TRAF7: variants seen among roughly 807,000 people sequenced by gnomAD.
TRAF7 encodes TNF receptor associated factor 7, also known as E3 ubiquitin-protein ligase TRAF7.
TRAF7 carries 45 observed loss-of-function variants against 89.3 expected under a neutral mutation model. The ratio of observed to expected loss-of-function variants is 0.50; its 90% CI spans 0.40 to 0.65. The LOEUF is 0.65. Among genes scored for constraint, TRAF7 ranks in the 30% least tolerant of loss-of-function variants. The probability of loss-of-function intolerance (pLI) is 0.00; values close to 1 mark genes in which losing one functional copy is unlikely to be tolerated. For missense variants in TRAF7, 677 were observed against 918.1 expected (o/e 0.74, Z 3.39); for synonymous variants, 406 against 369.2 (o/e 1.10, Z -1.14).
At chr16:2,169,092 T>C (rs2093098294) in intron 4 of TRAF7, among the ~76,000 whole-genome samples, 1 of 152,174 alleles carries the variant, frequency 6.6e-6, no homozygotes, top group East Asian at 1.9e-4. Context: ...TTTAAGTGAC[T>C]CTCCTGCCTC....
At chr16:2,164,070 G>A in intron 2 of TRAF7, 69 bp downstream of exon 2, 1 of 1,425,420 alleles carries the variant, frequency 7.0e-7, no homozygotes, top group Non-Finnish European at 9.6e-7. Flanking sequence ...ATCTGGTGTT[G>A]CCTGCAGAGC....
rs1220631106 is a variant in TRAF7, at chr16:2,162,668, A to G, written c.-38-1215A>G. Among the ~76,000 whole-genome samples, 1 of 151,960 alleles carries G rather than the reference A, an allele frequency of 6.6e-6. No homozygotes were observed. The highest frequency in any genetic ancestry group is 1.5e-5 in the Non-Finnish European group (1 of 67,940). Reference sequence around the variant, plus strand: ...CCTGCTGCTGCACCGCCCCCAGAGCAAGCTTGTTCTGAGGGCTCCTGCCTT... The same window carrying G: ...CCTGCTGCTGCACCGCCCCCAGAGCGAGCTTGTTCTGAGGGCTCCTGCCTT... On this transcript the variant is annotated intron_variant, in intron 1 of 20. Coordinates refer to ENST00000326181, the MANE Select transcript of TRAF7 (RefSeq NM_032271.3). The surrounding 1 kb of genome is among the most constrained non-coding windows in gnomAD (Gnocchi z 5.0).
intron 2 of TRAF7, among the ~76,000 whole-genome samples, 171 bp downstream of exon 2, chr16:2,164,172 G>GCGCGCGCA (rs2093070522): frequency 1.6e-5 from 2 of 125,958 alleles, no homozygotes; most frequent in African/African-American, 7.3e-5. Context: ...GCGCGCGCGC[G>GCGCGCGCA]CGCGCGCGCA....
At chr16:2,172,798 T>C (rs2093118606) in intron 9 of TRAF7, among the ~76,000 whole-genome samples, 199 bp downstream of exon 9, 1 of 143,026 alleles carries the variant, frequency 7.0e-6, no homozygotes, top group Non-Finnish European at 1.5e-5. Flanking sequence ...GCGTGGACGC[T>C]CCCGCAGCCG....
intron 2 of TRAF7, among the ~76,000 whole-genome samples, chr16:2,164,505 G>A (rs368333150): frequency 5.0e-5 from 7 of 140,638 alleles, no homozygotes; most frequent in Non-Finnish European, 6.1e-5. Flanking sequence ...TGAGTGCTAC[G>A]TGGCCTGGCC....
In TRAF7 at chr16:2,175,604, C is replaced by T. The variant is rs2141295376; in HGVS notation, c.1608C>T (p.Gly536=). Reference sequence around the variant, plus strand: ...CTGCCCAGAGCTACCTGTACAGCGGCTCCTACCAGACAATCAAGGTGCGCT... The same window carrying T: ...CTGCCCAGAGCTACCTGTACAGCGGTTCCTACCAGACAATCAAGGTGCGCT... ...LVAAQSYLYS[G]SYQTIKIWDI... is the part of the protein sequence containing the mutation. Residue 536 remains glycine (G), a synonymous_variant, in exon 17 of 21, where the codon GGC becomes GGT. Coordinates refer to ENST00000326181, the MANE Select transcript of TRAF7 (RefSeq NM_032271.3). 6.2e-7 allele frequency: 1 copy of T among 1,612,422 alleles called. No homozygotes were observed. Among genetic ancestry groups the T allele is most frequent in the African/African-American group, 1.3e-5 (1 of 75,042 alleles).
chr16:2,169,491 G>A (rs2093099615), intron 4 of TRAF7, among the ~76,000 whole-genome samples: 1 of 152,060 alleles, frequency 6.6e-6, no homozygotes, highest in Non-Finnish European at 1.5e-5. Flanking sequence ...AAGAGAGGCG[G>A]GTACCTTCTC....
chr16:2,158,915 C>G lies in TRAF7; in HGVS notation c.-39+3057C>G, dbSNP rs1364596701. On this transcript the variant is annotated intron_variant, in intron 1 of 20. Transcript: ENST00000326181. The surrounding 1 kb of genome is among the most constrained non-coding windows in gnomAD (Gnocchi z 4.7). ...GAAGCTGGGGTCTCTTCCTGTGCCC[C>G]AGGATACTCTCCCCACTCTGGATCC... is the stretch of plus-strand genomic sequence containing the variant. 1.3e-5 allele frequency among the ~76,000 whole-genome samples: 2 copies of G among 152,096 alleles called. No individual in the cohort carries two copies. The highest frequency in any genetic ancestry group is 1.9e-4 in the East Asian group (1 of 5,182).
rs984217503 is a variant in TRAF7, at chr16:2,167,873, G to A, written c.140-204G>A. 3.9e-5 allele frequency among the ~76,000 whole-genome samples: 6 copies of A among 152,072 alleles called. No homozygotes were observed. The South Asian group carries it at 8.3e-4, about 21-fold the overall frequency. ...TGTCCAGATGTAGACCGAGCCCAGC[G>A]TCCATGCTCCTGGCACTGGTTTGAC... On this transcript the variant is annotated intron_variant, in intron 3 of 20. Transcript: ENST00000326181.
intron 2 of TRAF7, among the ~76,000 whole-genome samples, 173 bp downstream of exon 2, chr16:2,164,174 G>A (rs897828248): frequency 1.1e-4 from 14 of 129,398 alleles, no homozygotes; most frequent in South Asian, 2.4e-4. Flanking sequence ...GCGCGCGCGC[G>A]CGCGCGCACG....
chr16:2,176,388 A>G lies in TRAF7; in HGVS notation c.1998+4A>G, dbSNP rs1197289163. ...GGCTGTGGATAGCACTGTGAAGGTC[A>G]GTGCCCGTGGCTCAGGCCATTCAAA... On this transcript the variant is annotated splice_donor_region_variant and intron_variant, in intron 20 of 20. Coordinates refer to ENST00000326181, the MANE Select transcript of TRAF7 (RefSeq NM_032271.3). The G allele has an allele frequency of 3.1e-6, 5 of 1,609,466 alleles. No individual in the cohort carries two copies. In the South Asian group the frequency reaches 4.4e-5, roughly 14 times the overall value.
chr16:2,167,946 C>A, intron 3 of TRAF7, 131 bp from the exon 4 acceptor site: 1 of 753,834 alleles, frequency 1.3e-6, no homozygotes, highest in Non-Finnish European at 2.2e-6. Context: ...GCATGCTTTC[C>A]TGCCTGCCTG....
Position 2,177,757 on chromosome 16 carries a change from A to G in TRAF7, c.*1183A>G. The stretch of plus-strand genomic sequence containing the variant: ...CAAACCCACCCGCGCCCTGGGACGC[A>G]GCCACGCCAGGAGGAGGACACGGCC... On this transcript the variant is annotated 3_prime_UTR_variant, in exon 21 of 21. Transcript: ENST00000326181. 4.1e-6 allele frequency: 1 copy of G among 243,130 alleles called. No homozygotes were observed. The highest frequency in any genetic ancestry group is 8.1e-6 in the Non-Finnish European group (1 of 123,364). 15.1% of individuals were successfully genotyped at this position (243,130 alleles called of 1,614,324 possible).
At chr16:2,156,398 A>T (rs1039727002) in intron 1 of TRAF7, among the ~76,000 whole-genome samples, 16 of 152,178 alleles carry the variant, frequency 1.1e-4, no homozygotes, top group Admixed American at 7.2e-4. Context: ...CCTCCTGCGG[A>T]ACAACTCCCC....
chr16:2,169,386 C>T (rs1474976417), intron 4 of TRAF7, among the ~76,000 whole-genome samples: 1 of 152,158 alleles, frequency 6.6e-6, no homozygotes, highest in Non-Finnish European at 1.5e-5. Flanking sequence ...CCCTGGGCCT[C>T]TGCCTGCCTC....
At chr16:2,164,153 TGTGTGTGC>T (rs2093069233) in intron 2 of TRAF7, 152 bp downstream of exon 2, 6 of 553,510 alleles carry the variant, frequency 1.1e-5, no homozygotes, top group African/African-American at 4.6e-5. Context: ...TGTGTGTGTG[TGTGTGTGC>T]GCGCGCGCGC....
chr16:2,159,438 G>A lies in TRAF7; in HGVS notation c.-39+3580G>A, dbSNP rs2093048706. 1.3e-5 allele frequency among the ~76,000 whole-genome samples: 2 copies of A among 152,212 alleles called. No individual in the cohort carries two copies. The highest frequency in any genetic ancestry group is 4.8e-5 in the African/African-American group (2 of 41,454). On this transcript the variant is annotated intron_variant, in intron 1 of 20. Coordinates refer to ENST00000326181, the MANE Select transcript of TRAF7 (RefSeq NM_032271.3). The surrounding 1 kb of genome is among the most constrained non-coding windows in gnomAD (Gnocchi z 6.5). ...ACGTCACACCCTGCCTATTTGGGAT[G>A]GAAAAAACGTTCTAAGGGACGTCAG... is the stretch of plus-strand genomic sequence containing the variant.
In TRAF7 at chr16:2,163,758, G is replaced by A; in HGVS notation, c.-38-125G>A. On this transcript the variant is annotated intron_variant, in intron 1 of 20. Transcript: ENST00000326181. The surrounding 1 kb of genome is among the most constrained non-coding windows in gnomAD (Gnocchi z 4.3). ...GAGGCCTGCCTGAGCCGGGGCTGGT[G>A]GTGGAAGGCTGCTGCGGCGGCCCCA... 1.5e-6 allele frequency: 1 copy of A among 668,028 alleles called. No homozygotes were observed. The highest frequency in any genetic ancestry group is 2.7e-6 in the Non-Finnish European group (1 of 375,788). 41.4% of individuals were successfully genotyped at this position (668,028 alleles called of 1,614,324 possible).
Position 2,174,628 on chromosome 16 carries a change from G to A in TRAF7, c.1346+295G>A, listed in dbSNP as rs117503499. On this transcript the variant is annotated intron_variant, in intron 14 of 20. Coordinates refer to ENST00000326181, the MANE Select transcript of TRAF7 (RefSeq NM_032271.3). ...AACCAGAAGATAGGGGGGACCTTAG[G>A]GGGTGAAGGCAGGAGCTCAGCTCTC... Among the ~76,000 whole-genome samples, 10 of 152,144 alleles carry A rather than the reference G, an allele frequency of 6.6e-5. 1 individual carries two copies. The highest frequency in any genetic ancestry group is 4.1e-4 in the South Asian group (2 of 4,828).
Sources: allele counts gnomAD v4.1 joint callset (sites outside exome capture counted in the v4.1 genomes callset), GRCh38; gene constraint gnomAD v4.1.1; non-coding constraint Gnocchi (gnomAD v3.1); transcripts MANE v1.5; gene names NCBI Gene and HGNC (gene_info 2026-07-23, HGNC 2026-07-21).